Variants in HLTF observed in about 807,000 individuals in gnomAD.
HLTF encodes the protein DNA-dependent ATPase/E3 ubiquitin-protein ligase HLTF.
HLTF carries 127 observed loss-of-function variants against 129.4 expected under a neutral mutation model. The ratio of observed to expected loss-of-function variants is 0.98; its 90% CI spans 0.85 to 1.14. The LOEUF (loss-of-function observed/expected upper bound fraction) is 1.14. Among genes scored for constraint, HLTF ranks in the 50% most tolerant of loss-of-function variants. The pLI is 0.00. For missense variants in HLTF, 1,139 were observed against 1,187.1 expected, an observed-to-expected ratio of 0.96 and a Z score of 0.60; for synonymous variants, 332 against 388.8, an observed-to-expected ratio of 0.85 and a Z score of 1.72.
At chr3:149,055,273 G>T in intron 14 of HLTF, 30 bp downstream of exon 14, 1 of 1,424,232 alleles carries the variant, frequency 7.0e-7, no homozygotes, top group Non-Finnish European at 9.9e-7. Context: ...TATAAATTAT[G>T]TTACATTTTT....
Position 149,064,819 on chromosome 3 carries a change from GGTA to G in HLTF, c.1035_1037del (p.Thr346del). ...TGCTTAGTCCATCTGCCTTTTCACT[GGTA>G]TTGTTTCCTCCAAGTTTCATAGAGT... On this transcript the variant is annotated inframe_deletion, in exon 9 of 25. Transcript: ENST00000310053. 6.3e-7 allele frequency: 1 copy of G among 1,599,610 alleles called. No homozygotes were observed. Among genetic ancestry groups the G allele is most frequent in the Non-Finnish European group, 8.6e-7 (1 of 1,167,612 alleles).
intron 15 of HLTF, 55 bp downstream of exon 15, chr3:149,050,177 G>C: frequency 1.7e-6 from 2 of 1,178,036 alleles, no homozygotes; most frequent in South Asian, 3.4e-5. Flanking sequence ...GAAACCTGTG[G>C]CATATTTCTT....
intron 24 of HLTF, among the ~76,000 whole-genome samples, chr3:149,032,824 A>C (rs1169057015): frequency 6.6e-6 from 1 of 151,956 alleles, no homozygotes; most frequent in Non-Finnish European, 1.5e-5. Context: ...TTAGCCGGGC[A>C]TGGTGGTGGG....
chr3:149,042,358 A>T (rs1716204011), intron 18 of HLTF, 68 bp from the exon 19 acceptor site: 1 of 1,336,638 alleles, frequency 7.5e-7, no homozygotes, highest in Non-Finnish European at 1.0e-6. Flanking sequence ...CTAAAACAGC[A>T]GAGTAAAATG....
intron 14 of HLTF, among the ~76,000 whole-genome samples, chr3:149,054,936 A>C (rs1210699438): frequency 6.6e-6 from 1 of 152,250 alleles, no homozygotes; most frequent in Non-Finnish European, 1.5e-5. Context: ...TATTGTTATA[A>C]AAATAAGTTA....
chr3:149,052,423 A>C lies in HLTF; in HGVS notation c.1474-2048T>G, dbSNP rs1576591621. On this transcript the variant is annotated intron_variant, in intron 14 of 24. Transcript: ENST00000310053. Reference sequence around the variant, plus strand: ...TATAAAAGTTTCAAGAAAAAAAACCAAGGTGGACTTTTAATTTGTCATCTA... The same window carrying C: ...TATAAAAGTTTCAAGAAAAAAAACCCAGGTGGACTTTTAATTTGTCATCTA... Among the ~76,000 whole-genome samples, 5 of 152,320 alleles carry C rather than the reference A, an allele frequency of 3.3e-5. No individual in the cohort carries two copies. The South Asian group carries it at 1.0e-3, about 32-fold the overall frequency.
At chr3:149,063,920 G>C (rs188412129) in intron 9 of HLTF, among the ~76,000 whole-genome samples, 8 of 152,046 alleles carry the variant, frequency 5.3e-5, no homozygotes, top group Admixed American at 3.9e-4. Context: ...ACACTGTTCG[G>C]CTCCCCTACC....
intron 1 of HLTF, 143 bp from the exon 2 acceptor site, chr3:149,085,032 A>G (rs1030008099): frequency 3.0e-6 from 2 of 658,446 alleles, no homozygotes; most frequent in Non-Finnish European, 5.1e-6. Context: ...CTCTCGTTAA[A>G]GCAGGAATTG....
At position 149,039,037 on chromosome 3, in the gene HLTF, AG is replaced by A; in HGVS notation, c.2796+11del. The A allele has an allele frequency of 6.8e-7, 1 of 1,465,208 alleles. No homozygotes were observed. Among genetic ancestry groups the A allele is most frequent in the Non-Finnish European group, 9.1e-7 (1 of 1,100,998 alleles). The allele number at this position is 1,465,208 out of a possible 1,614,324, so 90.8% of individuals were successfully genotyped here. A position where few individuals can be genotyped will look rare whatever the true frequency, so the allele number is the denominator to read the frequency against. On this transcript the variant is annotated intron_variant, in intron 23 of 24. Transcript: ENST00000310053. ...GTACTAAGATTCTGAAAAAATTTACAGAACTACTTACTGGATCCATTAAAAA... is the reference window on the plus strand; with the variant it reads ...GTACTAAGATTCTGAAAAAATTTACAAACTACTTACTGGATCCATTAAAAA...
intron 10 of HLTF, among the ~76,000 whole-genome samples, chr3:149,061,074 C>G (rs1352225216): frequency 6.6e-6 from 1 of 152,024 alleles, no homozygotes; most frequent in African/African-American, 2.4e-5. Context: ...GGAGTACCAC[C>G]GTTATTGTTT....
intron 2 of HLTF, among the ~76,000 whole-genome samples, chr3:149,083,958 G>A (rs1720108336): frequency 6.6e-6 from 1 of 151,334 alleles, no homozygotes; most frequent in Admixed American, 6.6e-5. Flanking sequence ...TCACTTAAGT[G>A]AAAGAAAATC....
At chr3:149,037,949 C>G (rs1020201736) in intron 23 of HLTF, among the ~76,000 whole-genome samples, 7 of 152,130 alleles carry the variant, frequency 4.6e-5, no homozygotes, top group East Asian at 1.9e-4. Flanking sequence ...GAATTTTAGC[C>G]TCTGTTCTAC....
chr3:149,084,760 AGT>A lies in HLTF; in HGVS notation c.148_149del (p.Thr50Ter). ...QDVIPPDDFL[T>X]SDEEVDSVLF... Reference sequence around the variant, plus strand: ...AAACGGAATCTACTTCTTCATCACTAGTTAGAAAGTCATCTGGAGGGATAACA... The same window carrying A: ...AAACGGAATCTACTTCTTCATCACTATAGAAAGTCATCTGGAGGGATAACA... On this transcript the variant is annotated frameshift_variant, in exon 2 of 25. Transcript: ENST00000310053. LOFTEE classifies it high-confidence loss of function. The A allele has an allele frequency of 6.2e-7, 1 of 1,614,066 alleles. No individual in the cohort carries two copies. Among genetic ancestry groups the A allele is most frequent in the Non-Finnish European group, 8.5e-7 (1 of 1,179,934 alleles).
intron 10 of HLTF, among the ~76,000 whole-genome samples, chr3:149,061,398 G>A (rs905831233): frequency 6.7e-5 from 10 of 149,488 alleles, no homozygotes; most frequent in African/African-American, 2.0e-4. Flanking sequence ...CTGACAGAGC[G>A]ACACTCCATC....
chr3:149,039,946 C>T, intron 21 of HLTF, 85 bp downstream of exon 21: 1 of 1,203,466 alleles, frequency 8.3e-7, no homozygotes, highest in East Asian at 2.5e-5. Flanking sequence ...GGAATGAAAG[C>T]AGAATTACGA....
At position 149,039,495 on chromosome 3, in the gene HLTF, C is replaced by T. The variant is rs961635248; in HGVS notation, c.2615+86G>A. On this transcript the variant is annotated intron_variant, in intron 22 of 24. Transcript: ENST00000310053. The stretch of plus-strand genomic sequence containing the variant: ...GATAAAATGACTAAAACTGGCAAAA[C>T]AAATTAAGTTTTTTTTTTTGCTATC... 4.2e-6 allele frequency: 3 copies of T among 713,320 alleles called. No homozygotes were observed. In the African/African-American group the frequency reaches 5.6e-5, roughly 13 times the overall value. The allele number at this position is 713,320 out of a possible 1,614,324, so 44.2% of individuals were successfully genotyped here. A position where few individuals can be genotyped will look rare whatever the true frequency, so the allele number is the denominator to read the frequency against.
At chr3:149,036,004 A>G (rs868341960) in intron 23 of HLTF, among the ~76,000 whole-genome samples, 43 of 148,922 alleles carry the variant, frequency 2.9e-4, no homozygotes, top group Middle Eastern at 3.6e-3. Flanking sequence ...GCGTGGTGGC[A>G]GGCGCCTGTA....
intron 10 of HLTF, among the ~76,000 whole-genome samples, chr3:149,062,296 C>A (rs1193888902): frequency 6.6e-6 from 1 of 151,550 alleles, no homozygotes; most frequent in Non-Finnish European, 1.5e-5. Context: ...TGATCTTGTC[C>A]AATTAACAGT....
intron 18 of HLTF, among the ~76,000 whole-genome samples, 169 bp downstream of exon 18, chr3:149,045,911 T>C (rs1167931823): frequency 1.3e-5 from 2 of 152,228 alleles, no homozygotes; most frequent in African/African-American, 2.4e-5. Flanking sequence ...TGAATTATAC[T>C]ATTATTTCAT....
Sources: gnomAD v4.1 joint callset for allele counts (sites outside exome capture counted in the v4.1 genomes callset) on GRCh38, gnomAD v4.1.1 for gene constraint, MANE v1.5 for transcripts, NCBI Gene and HGNC (gene_info 2026-07-23, HGNC 2026-07-21) for gene names.